CPA6: variants seen among roughly 807,000 people sequenced by gnomAD.
CPA6 encodes carboxypeptidase B.
In CPA6, 58 loss-of-function variants were observed where a neutral mutation model predicts 63.3. That is an observed-to-expected ratio of 0.92 (90% CI 0.74 to 1.14). CPA6 has a LOEUF of 1.14. Ranked by LOEUF, CPA6 falls within the 50% of genes most tolerant of loss-of-function variation. The pLI is 0.00. For missense variants in CPA6, 565 were observed against 526.6 expected, an observed-to-expected ratio of 1.07 and a Z score of -0.71; for synonymous variants, 185 against 179.0, an observed-to-expected ratio of 1.03 and a Z score of -0.27.
intron 1 of CPA6, among the ~76,000 whole-genome samples, chr8:67,633,862 G>T (rs1056011129): frequency 6.6e-6 from 1 of 151,246 alleles, no homozygotes. Flanking sequence ...AAGACCTTAA[G>T]AATCTTTTTT....
chr8:67,701,380 A>T (rs1817021274), intron 1 of CPA6, among the ~76,000 whole-genome samples: 1 of 152,174 alleles, frequency 6.6e-6, no homozygotes, highest in Admixed American at 6.5e-5. Flanking sequence ...GACTGGTTCC[A>T]CTCTAATAAA....
chr8:67,625,569 T>C (rs1157190041), intron 1 of CPA6, among the ~76,000 whole-genome samples: 2 of 152,110 alleles, frequency 1.3e-5, no homozygotes, highest in Non-Finnish European at 2.9e-5. Flanking sequence ...TTGCATAGAG[T>C]AGATGCTTAT....
intron 6 of CPA6, among the ~76,000 whole-genome samples, chr8:67,504,748 C>T (rs376575672): frequency 3.9e-5 from 6 of 152,206 alleles, no homozygotes; most frequent in African/African-American, 1.4e-4. Context: ...TTTCTGGTTG[C>T]TTCCATGGCT....
At chr8:67,538,816 T>TGCCCGG (rs1286352396) in intron 2 of CPA6, among the ~76,000 whole-genome samples, 25 of 152,108 alleles carry the variant, frequency 1.6e-4, no homozygotes, top group African/African-American at 5.5e-4. Context: ...CCTGCCACTA[T>TGCCCGG]GCCCGGCTAA....
intron 2 of CPA6, among the ~76,000 whole-genome samples, chr8:67,538,682 C>T (rs959141302): frequency 6.6e-5 from 10 of 151,716 alleles, no homozygotes; most frequent in Non-Finnish European, 1.5e-4. Flanking sequence ...TTTTTCTTGA[C>T]GGAGTCTTGC....
chr8:67,551,182 T>C (rs1812929262), intron 2 of CPA6, among the ~76,000 whole-genome samples: 1 of 152,210 alleles, frequency 6.6e-6, no homozygotes, highest in Non-Finnish European at 1.5e-5. Context: ...TTGAAATCTT[T>C]AATCCATCTT....
intron 2 of CPA6, among the ~76,000 whole-genome samples, chr8:67,603,320 AT>A (rs542972969): frequency 1.4e-3 from 201 of 147,686 alleles, no homozygotes; most frequent in African/African-American, 2.7e-3. Context: ...AATTTTAACA[AT>A]TTTTTTTTTT....
chr8:67,722,911 T>C (rs1817528553), intron 1 of CPA6, among the ~76,000 whole-genome samples: 1 of 151,824 alleles, frequency 6.6e-6, no homozygotes, highest in Non-Finnish European at 1.5e-5. Context: ...AAGGGAGAAG[T>C]TGATTTACGC....
chr8:67,467,030 G>T (rs1216028078), intron 8 of CPA6, among the ~76,000 whole-genome samples: 1 of 151,958 alleles, frequency 6.6e-6, no homozygotes, highest in Non-Finnish European at 1.5e-5. Flanking sequence ...AAGTTTTGTG[G>T]CTTCCTAAAA....
chr8:67,444,911 G>A (rs568855893), intron 8 of CPA6, among the ~76,000 whole-genome samples: 1 of 152,300 alleles, frequency 6.6e-6, no homozygotes, highest in East Asian at 1.9e-4. Context: ...AAAGTAGGAG[G>A]ACCACAAGAT....
At chr8:67,469,025 A>C (rs893659834) in intron 8 of CPA6, among the ~76,000 whole-genome samples, 3 of 152,096 alleles carry the variant, frequency 2.0e-5, no homozygotes, top group Non-Finnish European at 2.9e-5. Flanking sequence ...TTAATTTTCA[A>C]ATCTGCCCTT....
intron 1 of CPA6, among the ~76,000 whole-genome samples, chr8:67,642,303 G>A (rs1362422184): frequency 4.8e-5 from 7 of 144,614 alleles, no homozygotes; most frequent in South Asian, 2.3e-4. Context: ...GGGCGACAGA[G>A]CATGACTCCA....
intron 1 of CPA6, among the ~76,000 whole-genome samples, chr8:67,657,483 G>A (rs186179842): frequency 3.4e-4 from 52 of 152,280 alleles, no homozygotes; most frequent in Admixed American, 2.3e-3. Context: ...AGTATCAGAA[G>A]AAGAGGTTTT....
chr8:67,506,194 T>C (rs1315907816), intron 6 of CPA6, among the ~76,000 whole-genome samples: 1 of 152,182 alleles, frequency 6.6e-6, no homozygotes, highest in African/African-American at 2.4e-5. Context: ...TCAGAGGGCT[T>C]GTGACTCAAA....
At chr8:67,516,888 C>T (rs545751978) in intron 3 of CPA6, among the ~76,000 whole-genome samples, 12 of 152,210 alleles carry the variant, frequency 7.9e-5, no homozygotes, top group African/African-American at 2.9e-4. Context: ...CCTCTGCCTC[C>T]GGGGTTCAAG....
chr8:67,568,128 C>G (rs1440745226), intron 2 of CPA6, among the ~76,000 whole-genome samples: 1 of 152,178 alleles, frequency 6.6e-6, no homozygotes, highest in Non-Finnish European at 1.5e-5. Context: ...CATCCACACT[C>G]ATAGGCTAGA....
intron 2 of CPA6, among the ~76,000 whole-genome samples, chr8:67,590,696 A>C (rs1256957854): frequency 2.0e-5 from 3 of 152,082 alleles, no homozygotes; most frequent in South Asian, 2.1e-4. Context: ...TCTTTTGAGA[A>C]GTGTCTGTTC....
intron 1 of CPA6, among the ~76,000 whole-genome samples, chr8:67,701,835 A>G (rs907534042): frequency 1.3e-5 from 2 of 152,200 alleles, no homozygotes; most frequent in African/African-American, 4.8e-5. Flanking sequence ...TAAAGAGCAG[A>G]ATGTTTTTAT....
At chr8:67,556,888 G>A (rs138826963) in intron 2 of CPA6, among the ~76,000 whole-genome samples, 112 of 152,318 alleles carry the variant, frequency 7.4e-4, no homozygotes, top group African/African-American at 2.1e-3. Flanking sequence ...CACCTGGACC[G>A]TGAGGAGAAT....
Sources: gnomAD v4.1 joint callset for allele counts (sites outside exome capture counted in the v4.1 genomes callset) on GRCh38, gnomAD v4.1.1 for gene constraint, MANE v1.5 for transcripts, NCBI Gene and HGNC (gene_info 2026-07-23, HGNC 2026-07-21) for gene names.